The following NEXMIF variants were observed in gnomAD, a reference collection of about 807,000 sequenced individuals.
NEXMIF encodes neurite extension and migration factor, also known as XLMR protein related to neurite extension.
Under a neutral mutation model 62.1 loss-of-function variants are expected in NEXMIF, and 8 were observed. The observed-to-expected ratio is 0.13, with a 90% confidence interval of 0.08 to 0.23. The LOEUF (loss-of-function observed/expected upper bound fraction) is 0.23. Ranked by LOEUF, NEXMIF falls within the 10% of genes least tolerant of loss-of-function variation. The pLI, the probability that NEXMIF is intolerant of heterozygous loss-of-function variation, is 1.00. For synonymous variants in NEXMIF, 404 were observed against 416.6 expected (o/e 0.97, Z 0.37); for missense variants, 976 against 1,113.3 (o/e 0.88, Z 1.75).
intron 1 of NEXMIF, among the ~76,000 whole-genome samples, chrX:74,905,108 G>A (rs1018986864): frequency 9.0e-6 from 1 of 110,998 alleles, no homozygotes; most frequent in Non-Finnish European, 1.9e-5. Context: ...TCAGCTCCAG[G>A]GTACAGTTTG....
At chrX:74,878,646 G>A (rs897142282) in intron 1 of NEXMIF, among the ~76,000 whole-genome samples, 1 of 112,814 alleles carries the variant, frequency 8.9e-6, no homozygotes, top group African/African-American at 3.2e-5. Flanking sequence ...GCGGGACTCC[G>A]TGGGCGTAGG....
Position 74,740,254 on chromosome X carries a change from T to C in NEXMIF, c.4303A>G (p.Ser1435Gly). ...TFFDKKYSNMSTLGNNGPTHK... is the reference protein window; with the variant it reads ...TFFDKKYSNMGTLGNNGPTHK... ...GTCGGTCCGTTATTGCCTAAAGTGC[T>C]CATGTTACTATACTTTTTATCAAAG... The change falls in exon 3 of 4, where the codon AGC (serine) becomes GGC (glycine). Residue 1435 changes from serine (S) to glycine (G), a missense_variant. Ser to Gly is a moderately conservative substitution (Grantham distance 56). Around this residue, in one of 5 missense-constraint regions of NEXMIF, gnomAD observed 137 missense variants for 128.9 expected, o/e 1.06. Coordinates refer to ENST00000055682, the MANE Select transcript of NEXMIF (RefSeq NM_001008537.3). 2 of 1,211,637 alleles carry C rather than the reference T, an allele frequency of 1.7e-6. No individual in the cohort carries two copies. The highest frequency in any genetic ancestry group is 2.2e-6 in the Non-Finnish European group (2 of 895,536).
In NEXMIF at chrX:74,791,145, C is replaced by T. The variant is rs1380063867; in HGVS notation, c.-47-45448G>A. 3.4e-3 allele frequency among the ~76,000 whole-genome samples: 373 copies of T among 110,914 alleles called. 2 individuals are homozygous for T. Among genetic ancestry groups the T allele is most frequent in the African/African-American group, 0.011 (349 of 30,494 alleles). On this transcript the variant is annotated intron_variant, in intron 1 of 3. Coordinates refer to ENST00000055682, the MANE Select transcript of NEXMIF (RefSeq NM_001008537.3). Reference sequence around the variant, plus strand: ...AGATAGCTCTTATTATTTTGAAATACGTCCCATCAATACCTAATTTATTGA... The same window carrying T: ...AGATAGCTCTTATTATTTTGAAATATGTCCCATCAATACCTAATTTATTGA...
In NEXMIF at chrX:74,742,791, T is replaced by C; in HGVS notation, c.1766A>G (p.Gln589Arg). 8.3e-7 allele frequency: 1 copy of C among 1,211,569 alleles called. No individual in the cohort carries two copies. The highest frequency in any genetic ancestry group is 1.8e-5 in the South Asian group (1 of 56,947). ...AKLAPLKGFW[Q>R]KKKKQRNTNT... Reference sequence around the variant, plus strand: ...GGTGTTTCTCTGCTTCTTCTTCTTTTGCCAGAAGCCTTTCAAGGGTGCCAG... The same window carrying C: ...GGTGTTTCTCTGCTTCTTCTTCTTTCGCCAGAAGCCTTTCAAGGGTGCCAG... Residue 589 changes from glutamine to arginine, a missense_variant, in exon 3 of 4, where the codon CAA becomes CGA. Gln to Arg is a conservative substitution (Grantham distance 43). Around this residue, in one of 5 missense-constraint regions of NEXMIF, gnomAD observed 639 missense variants for 694.5 expected, o/e 0.92. Transcript: ENST00000055682.
At chrX:74,856,427 TG>T (rs751063794) in intron 1 of NEXMIF, among the ~76,000 whole-genome samples, 24 of 111,768 alleles carry the variant, frequency 2.1e-4, no homozygotes, top group Non-Finnish European at 4.1e-4. Context: ...AAGAGAACTG[TG>T]GGAACCATCT....
At position 74,744,224 on chromosome X, in the gene NEXMIF, T is replaced by C. The variant is rs578143960; in HGVS notation, c.333A>G (p.Thr111=). The change falls in exon 3 of 4, where the codon ACA becomes ACG. Residue 111 remains threonine, a synonymous_variant. Coordinates refer to ENST00000055682, the MANE Select transcript of NEXMIF (RefSeq NM_001008537.3). ...TCTCACATTCATTGGGAAGTGACCA[T>C]GTGTTCAGGCCTTTTGCAATGCCAG... ...LTSGIAKGLN[T]WSLPNECEKA... The C allele has an allele frequency of 8.3e-7, 1 of 1,211,292 alleles. No individual in the cohort carries two copies. The highest frequency in any genetic ancestry group is 1.8e-5 in the South Asian group (1 of 56,956).
Position 74,741,275 on chromosome X carries a change from T to G in NEXMIF, c.3282A>C (p.Thr1094=). 8.3e-7 allele frequency: 1 copy of G among 1,209,441 alleles called. No individual in the cohort carries two copies. The highest frequency in any genetic ancestry group is 1.1e-6 in the Non-Finnish European group (1 of 893,534). ...GGACACCCTCTTGGAACCCCTTTAG[T>G]GTTCCTAGTGTCTTCATACTCTCAC... ...TRCESMKTLG[T]LKGFQEGVPG... Residue 1094 remains threonine (T), a synonymous_variant, in exon 3 of 4, where the codon ACA becomes ACC. Transcript: ENST00000055682.
chrX:74,918,636 C>T (rs1033382562), intron 1 of NEXMIF, among the ~76,000 whole-genome samples: 1 of 112,095 alleles, frequency 8.9e-6, no homozygotes, highest in Non-Finnish European at 1.9e-5. Context: ...CTCTACCAGG[C>T]TCTGGACAAT....
At chrX:74,896,098 G>T (rs1302450341) in intron 1 of NEXMIF, among the ~76,000 whole-genome samples, 3 of 110,926 alleles carry the variant, frequency 2.7e-5, no homozygotes, top group Non-Finnish European at 5.7e-5. Flanking sequence ...AGGTTCTTCT[G>T]TCAACTCTCC....
At chrX:74,823,162 G>A (rs1049108114) in intron 1 of NEXMIF, among the ~76,000 whole-genome samples, 6 of 111,817 alleles carry the variant, frequency 5.4e-5, no homozygotes, top group Non-Finnish European at 1.1e-4. Context: ...TATAAAAACA[G>A]AAAGTAAATT....
chrX:74,842,217 G>C (rs1160050489), intron 1 of NEXMIF, among the ~76,000 whole-genome samples: 1 of 111,472 alleles, frequency 9.0e-6, no homozygotes, highest in Non-Finnish European at 1.9e-5. Context: ...GAGAGAGTAT[G>C]TGTCCAGAAA....
At chrX:74,837,271 T>A (rs891552947) in intron 1 of NEXMIF, among the ~76,000 whole-genome samples, 3 of 111,573 alleles carry the variant, frequency 2.7e-5, no homozygotes, top group Non-Finnish European at 5.6e-5. Flanking sequence ...GCTCACCTGA[T>A]TTTTGTTTTT....
intron 1 of NEXMIF, among the ~76,000 whole-genome samples, chrX:74,796,126 T>A (rs759250518): frequency 0.011 from 822 of 75,343 alleles, 20 homozygotes; most frequent in African/African-American, 0.041. Flanking sequence ...TATATATATT[T>A]ATATATAATA....
intron 1 of NEXMIF, among the ~76,000 whole-genome samples, chrX:74,878,012 C>T (rs910067260): frequency 8.9e-6 from 1 of 112,349 alleles, no homozygotes; most frequent in Non-Finnish European, 1.9e-5. Flanking sequence ...CTCCATCCAG[C>T]TTTATTCCAT....
intron 1 of NEXMIF, among the ~76,000 whole-genome samples, chrX:74,794,600 T>G (rs1602230388): frequency 8.9e-6 from 1 of 112,136 alleles, no homozygotes; most frequent in East Asian, 2.8e-4. Context: ...CAGTTTGATC[T>G]CGGACTGCTG....
intron 1 of NEXMIF, among the ~76,000 whole-genome samples, chrX:74,880,073 C>T (rs1040793082): frequency 2.3e-4 from 26 of 112,162 alleles, no homozygotes; most frequent in Admixed American, 1.8e-3. Flanking sequence ...TAATGGCTGC[C>T]AGGCTCAACC....
At chrX:74,887,702 C>A (rs1260919671) in intron 1 of NEXMIF, among the ~76,000 whole-genome samples, 1 of 111,439 alleles carries the variant, frequency 9.0e-6, no homozygotes, top group Non-Finnish European at 1.9e-5. Flanking sequence ...GTTGGTGGGA[C>A]TGTAAACTAG....
At chrX:74,758,665 G>A (rs2080166556) in intron 1 of NEXMIF, among the ~76,000 whole-genome samples, 1 of 111,221 alleles carries the variant, frequency 9.0e-6, no homozygotes, top group South Asian at 3.8e-4. Flanking sequence ...GTGGTATTTG[G>A]TATTCTGTTC....
Position 74,925,387 on chromosome X carries a change from G to A in NEXMIF, c.-552C>T, listed in dbSNP as rs1415549548. 5.4e-6 allele frequency: 1 copy of A among 184,559 alleles called. No individual in the cohort carries two copies. Among genetic ancestry groups the A allele is most frequent in the South Asian group, 7.2e-5 (1 of 13,877 alleles). The allele number at this position is 184,559 out of a possible 1,213,427, so 15.2% of individuals were successfully genotyped here. A position where few individuals can be genotyped will look rare whatever the true frequency, so the allele number is the denominator to read the frequency against. ...GCTAAATGCTGCTACTGCCGCTAATGCTACTGCTGTGGCGGCGGTGGTGGC... is the reference window on the plus strand; with the variant it reads ...GCTAAATGCTGCTACTGCCGCTAATACTACTGCTGTGGCGGCGGTGGTGGC... On this transcript the variant is annotated 5_prime_UTR_variant, in exon 1 of 4. Coordinates refer to ENST00000055682, the MANE Select transcript of NEXMIF (RefSeq NM_001008537.3).
Sources: allele counts gnomAD v4.1 joint callset (sites outside exome capture counted in the v4.1 genomes callset), GRCh38; gene constraint gnomAD v4.1.1; regional missense constraint gnomAD v4.1.1; transcripts MANE v1.5; gene names NCBI Gene and HGNC (gene_info 2026-07-23, HGNC 2026-07-21).